Variants in AMPH observed in about 807,000 individuals in gnomAD.
The protein encoded by AMPH is amphiphysin (Stiff-Mann syndrome with breast cancer 128kD autoantigen).
In AMPH, 49 loss-of-function variants were observed where a neutral mutation model predicts 99.1. The observed-to-expected ratio is 0.49, with a 90% CI of 0.39 to 0.63. AMPH has a LOEUF of 0.63. Ranked by LOEUF, AMPH falls within the 20% of genes least tolerant of loss-of-function variation. AMPH has a pLI of 0.00. For synonymous variants in AMPH, 314 were observed against 317.3 expected (o/e 0.99, Z 0.11); for missense variants, 759 against 863.4 (o/e 0.88, Z 1.52).
chr7:38,393,228 A>C (rs1479251264), intron 18 of AMPH, among the ~76,000 whole-genome samples: 3 of 152,216 alleles, frequency 2.0e-5, no homozygotes, highest in Admixed American at 6.5e-5. Context: ...CCAAAAAGGG[A>C]TAATGAAAGG....
At position 38,631,369 on chromosome 7, in the gene AMPH, G is replaced by T; in HGVS notation, c.-18C>A. The T allele has an allele frequency of 6.5e-7, 1 of 1,538,156 alleles. No homozygotes were observed. ...TCGGCCATGGCTGCGGGTCCGGGGA[G>T]CTGCGAAGAGCAGAGCGCGCAGCGG... On this transcript the variant is annotated 5_prime_UTR_variant, in exon 1 of 21. Transcript: ENST00000356264.
At chr7:38,389,366 A>G (rs1056111603) in intron 20 of AMPH, among the ~76,000 whole-genome samples, 2 of 152,216 alleles carry the variant, frequency 1.3e-5, no homozygotes, top group Non-Finnish European at 2.9e-5. Context: ...ATATAGTTCA[A>G]TGAGTTTTGA....
intron 7 of AMPH, among the ~76,000 whole-genome samples, chr7:38,473,657 T>C (rs1787969550): frequency 1.9e-5 from 1 of 53,748 alleles, no homozygotes; most frequent in African/African-American, 9.0e-5. Context: ...TGAGCCGAGA[T>C]TGCGCCACTG....
intron 1 of AMPH, among the ~76,000 whole-genome samples, chr7:38,543,443 T>C (rs949399919): frequency 2.0e-5 from 3 of 152,196 alleles, no homozygotes; most frequent in African/African-American, 7.2e-5. Context: ...AGATAGAATA[T>C]GTTCTTGCTT....
At chr7:38,579,854 C>T in intron 1 of AMPH, among the ~76,000 whole-genome samples, 1 of 152,208 alleles carries the variant, frequency 6.6e-6, no homozygotes, top group East Asian at 1.9e-4. Flanking sequence ...TCTCACCAAA[C>T]CTTTTGTGTA....
At chr7:38,455,140 C>T (rs753169197) in intron 11 of AMPH, among the ~76,000 whole-genome samples, 4 of 151,700 alleles carry the variant, frequency 2.6e-5, no homozygotes, top group Non-Finnish European at 5.9e-5. Flanking sequence ...AGTGCAACGG[C>T]ACAATCTTGG....
chr7:38,626,524 C>T (rs1002922299), intron 1 of AMPH, among the ~76,000 whole-genome samples: 4 of 152,188 alleles, frequency 2.6e-5, no homozygotes, highest in African/African-American at 7.2e-5. Context: ...CCCTTCCTTA[C>T]ACCTTATACA....
chr7:38,411,941 A>G (rs1244899626), intron 17 of AMPH, among the ~76,000 whole-genome samples: 1 of 152,238 alleles, frequency 6.6e-6, no homozygotes, highest in Non-Finnish European at 1.5e-5. Flanking sequence ...CTAAAGCTCT[A>G]GATTTAGTAT....
chr7:38,569,366 C>T (rs1255167583), intron 1 of AMPH, among the ~76,000 whole-genome samples: 4 of 151,428 alleles, frequency 2.6e-5, no homozygotes, highest in Non-Finnish European at 4.4e-5. Flanking sequence ...CTAATGATAG[C>T]TAGAATTTTA....
intron 19 of AMPH, among the ~76,000 whole-genome samples, 197 bp downstream of exon 19, chr7:38,391,551 C>G (rs1317376547): frequency 2.0e-5 from 3 of 152,198 alleles, no homozygotes; most frequent in Admixed American, 6.5e-5. Flanking sequence ...GTGAACTTCC[C>G]TTTAATTATT....
intron 20 of AMPH, among the ~76,000 whole-genome samples, chr7:38,387,292 T>C (rs1584023310): frequency 6.6e-6 from 1 of 151,936 alleles, no homozygotes; most frequent in East Asian, 1.9e-4. Flanking sequence ...AAGCAAACAA[T>C]AGAAATATGC....
At chr7:38,399,641 T>C (rs1784786563) in intron 17 of AMPH, among the ~76,000 whole-genome samples, 1 of 152,220 alleles carries the variant, frequency 6.6e-6, no homozygotes, top group Non-Finnish European at 1.5e-5. Flanking sequence ...CTTGCTACAG[T>C]ACATGTTATA....
At chr7:38,522,268 G>A (rs969105340) in intron 2 of AMPH, among the ~76,000 whole-genome samples, 8 of 152,068 alleles carry the variant, frequency 5.3e-5, no homozygotes, top group African/African-American at 1.7e-4. Context: ...TTTCCTCGGG[G>A]CATTAATAAT....
At chr7:38,392,139 T>C in intron 18 of AMPH, 122 bp from the exon 19 acceptor site, 1 of 979,978 alleles carries the variant, frequency 1.0e-6, no homozygotes, top group Non-Finnish European at 1.5e-6. Context: ...ACTTCCCCAC[T>C]AGCCAGACTC....
intron 1 of AMPH, among the ~76,000 whole-genome samples, chr7:38,561,055 C>A (rs1791536711): frequency 6.6e-6 from 1 of 152,184 alleles, no homozygotes; most frequent in African/African-American, 2.4e-5. Flanking sequence ...TCAACAGATG[C>A]TTAGCCTTTC....
intron 10 of AMPH, among the ~76,000 whole-genome samples, chr7:38,462,611 C>T (rs1203130027): frequency 6.6e-6 from 1 of 152,124 alleles, no homozygotes; most frequent in African/African-American, 2.4e-5. Context: ...CTTGGCAGTA[C>T]CTGCCAACTC....
intron 17 of AMPH, among the ~76,000 whole-genome samples, chr7:38,411,819 A>T (rs867145407): frequency 6.6e-6 from 1 of 152,234 alleles, no homozygotes; most frequent in Non-Finnish European, 1.5e-5. Context: ...GTTGATGACC[A>T]GGAATGGTTT....
rs540157723 is a variant in AMPH, at chr7:38,455,785, C to T, written c.1017+5498G>A. On this transcript the variant is annotated intron_variant, in intron 11 of 20. Coordinates refer to ENST00000356264, the MANE Select transcript of AMPH (RefSeq NM_001635.4). ...CAAGGAGCCCCATAGGCAACCATGT[C>T]CTGAGTGGCTGCAGCTTGTAGGCAT... 9.8e-5 allele frequency among the ~76,000 whole-genome samples: 15 copies of T among 152,338 alleles called. No individual in the cohort carries two copies. The South Asian group carries it at 2.9e-3, about 29-fold the overall frequency.
chr7:38,483,065 A>G (rs1326133843), intron 5 of AMPH, among the ~76,000 whole-genome samples: 3 of 152,152 alleles, frequency 2.0e-5, no homozygotes, highest in Admixed American at 2.0e-4. Flanking sequence ...GCACAGTGCC[A>G]TATAATGAAG....
Sources: allele counts gnomAD v4.1 joint callset (sites outside exome capture counted in the v4.1 genomes callset), GRCh38; gene constraint gnomAD v4.1.1; transcripts MANE v1.5; gene names NCBI Gene and HGNC (gene_info 2026-07-23, HGNC 2026-07-21).